The following SPEF2 variants were observed in gnomAD, a reference collection of about 807,000 sequenced individuals.
SPEF2 encodes the protein sperm flagella and cilia-associated protein 2.
Under a neutral mutation model 224.6 loss-of-function variants are expected in SPEF2, and 187 were observed. The ratio of observed to expected loss-of-function variants is 0.83; its 90% CI spans 0.74 to 0.94. SPEF2 has a LOEUF of 0.94. Ranked by LOEUF, SPEF2 falls within the 40% of genes least tolerant of loss-of-function variation. The pLI is 0.00. For missense variants in SPEF2, 2,170 were observed against 2,135.6 expected (o/e 1.02, Z -0.32); for synonymous variants, 715 against 707.3 (o/e 1.01, Z -0.17).
intron 21 of SPEF2, among the ~76,000 whole-genome samples, chr5:35,729,809 C>G (rs951920270): frequency 8.5e-5 from 13 of 152,158 alleles, no homozygotes; most frequent in African/African-American, 2.9e-4. Flanking sequence ...GTGAACAAGT[C>G]TCACGAGATC....
rs377663287 is a variant in SPEF2 at position 35,801,058 on chromosome 5, G to A, written c.5010+911G>A. ...GAAAGATCTCCTTCCCATTCCACTA[G>A]AGCCAGAGTGAGGCCAGATACATAT... On this transcript the variant is annotated intron_variant, in intron 34 of 36. Coordinates refer to ENST00000356031, the MANE Select transcript of SPEF2 (RefSeq NM_024867.4). Among the ~76,000 whole-genome samples, 12 of 152,166 alleles carry A rather than the reference G, an allele frequency of 7.9e-5. No homozygotes were observed. In the East Asian group the frequency reaches 9.6e-4, roughly 12 times the overall value.
intron 26 of SPEF2, among the ~76,000 whole-genome samples, chr5:35,770,575 T>A (rs1165910966): frequency 6.6e-6 from 1 of 152,162 alleles, no homozygotes; most frequent in Non-Finnish European, 1.5e-5. Context: ...TGCTTTGACT[T>A]TTTAAGATTC....
At chr5:35,625,025 G>A (rs1744040975) in intron 1 of SPEF2, among the ~76,000 whole-genome samples, 2 of 152,002 alleles carry the variant, frequency 1.3e-5, no homozygotes, top group Admixed American at 1.3e-4. Context: ...TTTCCTATAT[G>A]TATTCTTTTT....
chr5:35,664,169 AG>A (rs1199515824), intron 8 of SPEF2, among the ~76,000 whole-genome samples: 3 of 151,862 alleles, frequency 2.0e-5, no homozygotes, highest in Non-Finnish European at 4.4e-5. Context: ...CACTTGTCAT[AG>A]TGTGTAATTA....
In SPEF2 at chr5:35,740,193, G is replaced by A; in HGVS notation, c.3256G>A (p.Ala1086Thr). Residue 1086 changes from alanine to threonine, a missense_variant, in exon 23 of 37, where the codon GCT (alanine) becomes ACT (threonine). By Grantham distance (58) the Ala-to-Thr change is moderately conservative. Coordinates refer to ENST00000356031, the MANE Select transcript of SPEF2 (RefSeq NM_024867.4). Reference sequence around the variant, plus strand: ...GCAAGATTTTGTAGCTCAATGGCAGGCTGATTTCAACTCCCTTCCTGATGA... The same window carrying A: ...GCAAGATTTTGTAGCTCAATGGCAGACTGATTTCAACTCCCTTCCTGATGA... ...HKQDFVAQWQADFNSLPDDLW... is the reference protein window; with the variant it reads ...HKQDFVAQWQTDFNSLPDDLW... 1 of 1,614,084 alleles carries A rather than the reference G, an allele frequency of 6.2e-7. No individual in the cohort carries two copies. The highest frequency in any genetic ancestry group is 8.5e-7 in the Non-Finnish European group (1 of 1,180,006).
chr5:35,721,003 G>A (rs1743561264), intron 20 of SPEF2, among the ~76,000 whole-genome samples: 1 of 152,090 alleles, frequency 6.6e-6, no homozygotes, highest in Non-Finnish European at 1.5e-5. Flanking sequence ...TTTTAAAGAA[G>A]CAAAAACCTT....
intron 1 of SPEF2, among the ~76,000 whole-genome samples, chr5:35,626,685 AC>A (rs1744307197): frequency 6.6e-6 from 1 of 152,208 alleles, no homozygotes; most frequent in Admixed American, 6.5e-5. Flanking sequence ...ATCAGTGGGA[AC>A]CATTGACATC....
At chr5:35,626,959 A>C (rs77183794) in intron 1 of SPEF2, among the ~76,000 whole-genome samples, 6,119 of 152,196 alleles carry the variant, frequency 0.04, 186 homozygotes, top group Non-Finnish European at 0.057. Flanking sequence ...TTATTTCTTC[A>C]CTGTCAATTA....
intron 20 of SPEF2, among the ~76,000 whole-genome samples, chr5:35,716,624 T>C (rs1362163972): frequency 6.6e-6 from 1 of 152,184 alleles, no homozygotes; most frequent in East Asian, 1.9e-4. Flanking sequence ...TTTATTTTAC[T>C]ATTATATTGC....
At chr5:35,749,315 C>T (rs1749047734) in intron 23 of SPEF2, among the ~76,000 whole-genome samples, 2 of 152,076 alleles carry the variant, frequency 1.3e-5, no homozygotes, top group Admixed American at 6.6e-5. Context: ...CCCACTCTCA[C>T]CACTCCTCTT....
intron 2 of SPEF2, among the ~76,000 whole-genome samples, chr5:35,641,061 T>C (rs922148544): frequency 6.6e-6 from 1 of 152,184 alleles, no homozygotes; most frequent in Non-Finnish European, 1.5e-5. Flanking sequence ...AAGGTATCTG[T>C]GATTCAAAAA....
At chr5:35,664,493 A>G (rs1244259948) in intron 8 of SPEF2, among the ~76,000 whole-genome samples, 3 of 152,126 alleles carry the variant, frequency 2.0e-5, no homozygotes, top group Non-Finnish European at 2.9e-5. Context: ...GTTCAAGGCC[A>G]ACATGGTGAA....
chr5:35,624,339 A>T (rs895602603), intron 1 of SPEF2, among the ~76,000 whole-genome samples: 1 of 152,130 alleles, frequency 6.6e-6, no homozygotes, highest in Non-Finnish European at 1.5e-5. Context: ...TAGGATGAAG[A>T]TTGTCACTGG....
chr5:35,632,857 T>G (rs995934165), intron 2 of SPEF2: 5 of 152,196 alleles, frequency 3.3e-5, no homozygotes, highest in African/African-American at 7.2e-5. Flanking sequence ...CACATACTTT[T>G]GAATTTTCCA....
chr5:35,753,626 T>C lies in SPEF2; in HGVS notation c.3333T>C (p.Asp1111=), dbSNP rs1035078519. Residue 1111 remains aspartate (D), a splice_region_variant and synonymous_variant, in exon 24 of 37, where the codon GAT becomes GAC. Coordinates refer to ENST00000356031, the MANE Select transcript of SPEF2 (RefSeq NM_024867.4). The part of the protein sequence containing the change: ...TKAELHQRVN[D]LRDRLWDICD... ...CCATGCCTGTTTTTTCTGTTCAGGA[T>C]CTGCGAGACCGCCTGTGGGACATTT... 3.1e-6 allele frequency: 5 copies of C among 1,614,082 alleles called. No homozygotes were observed. The East Asian group carries it at 1.1e-4, about 36-fold the overall frequency.
At chr5:35,670,021 A>G (rs762307332) in intron 9 of SPEF2, 38 bp from the exon 10 acceptor site, 4 of 1,482,982 alleles carry the variant, frequency 2.7e-6, no homozygotes, top group Non-Finnish European at 2.8e-6. Flanking sequence ...ATATTTGACT[A>G]ACCATTGATT....
chr5:35,623,071 G>A (rs762543633), intron 1 of SPEF2, among the ~76,000 whole-genome samples: 3 of 152,224 alleles, frequency 2.0e-5, no homozygotes, highest in African/African-American at 4.8e-5. Context: ...GTTGTAACAA[G>A]GGAGAACATG....
chr5:35,687,058 T>C (rs1192624658), intron 10 of SPEF2, among the ~76,000 whole-genome samples: 5 of 152,170 alleles, frequency 3.3e-5, no homozygotes, highest in Non-Finnish European at 7.4e-5. Context: ...GGAAAAACAA[T>C]TGTGGAGCAT....
intron 10 of SPEF2, among the ~76,000 whole-genome samples, chr5:35,687,801 ACCCT>A: frequency 6.6e-6 from 1 of 152,258 alleles, no homozygotes; most frequent in Non-Finnish European, 1.5e-5. Flanking sequence ...TTTTTATCTC[ACCCT>A]CTATTCAAGT....
Sources: allele counts gnomAD v4.1 joint callset (sites outside exome capture counted in the v4.1 genomes callset), GRCh38; gene constraint gnomAD v4.1.1; transcripts MANE v1.5; gene names NCBI Gene and HGNC (gene_info 2026-07-23, HGNC 2026-07-21).